NCOR2: variants seen among roughly 807,000 people sequenced by gnomAD.
The protein encoded by NCOR2 is CTG repeat protein 26.
Under a neutral mutation model 262.9 loss-of-function variants are expected in NCOR2, and 81 were observed. That is an observed-to-expected ratio of 0.31 (90% CI 0.26 to 0.37). The LOEUF (loss-of-function observed/expected upper bound fraction) is 0.37, where lower values mean the gene tolerates loss of function less well. Among genes scored for constraint, NCOR2 ranks in the 10% least tolerant of loss-of-function variants. NCOR2 has a pLI of 1.00. For synonymous variants in NCOR2, 1,659 were observed against 1,559.3 expected (o/e 1.06, Z -1.51); for missense variants, 3,385 against 3,621.4 (o/e 0.93, Z 1.68).
At chr12:124,359,789 C>T (rs375628664) in intron 22 of NCOR2, among the ~76,000 whole-genome samples, 3 of 152,232 alleles carry the variant, frequency 2.0e-5, no homozygotes, top group Non-Finnish European at 4.4e-5. Context: ...GCCCAGGGGG[C>T]CCCGAGGGAC....
rs543454231 is a variant in NCOR2, at chr12:124,426,559, C to G, written c.1328+63G>C. 19 of 1,456,446 alleles carry G rather than the reference C, an allele frequency of 1.3e-5. No individual in the cohort carries two copies. The Admixed American group carries it at 3.6e-4, about 28-fold the overall frequency. 90.2% of individuals were successfully genotyped at this position (1,456,446 alleles called of 1,614,324 possible). ...ATTTGTGGTGGCTGCCGGGAGACAG[C>G]GCAGGCCTCAACAGGATGGGGGTGG... On this transcript the variant is annotated intron_variant, in intron 11 of 46. Coordinates refer to ENST00000405201, the Ensembl canonical transcript of NCOR2.
At chr12:124,332,527 G>A (rs2035286981) in intron 42 of NCOR2, 60 bp from the exon 45 acceptor site, 4 of 1,609,020 alleles carry the variant, frequency 2.5e-6, no homozygotes, top group Non-Finnish European at 3.4e-6. Flanking sequence ...TGCCTTTGAT[G>A]ATGGGGAACT....
At chr12:124,362,343 A>T (rs369372439) in intron 21 of NCOR2, 46 bp from the exon 24 acceptor site, 8 of 1,319,502 alleles carry the variant, frequency 6.1e-6, no homozygotes, top group Non-Finnish European at 7.7e-6. Flanking sequence ...GGTGTCTGAA[A>T]GTGACAGGGT....
intron 12 of NCOR2, among the ~76,000 whole-genome samples, chr12:124,420,892 A>T (rs2043164542): frequency 6.6e-6 from 1 of 152,256 alleles, no homozygotes; most frequent in African/African-American, 2.4e-5. Flanking sequence ...CTCAACAGAA[A>T]GCCCCCAGCT....
At chr12:124,351,605 G>A (rs760376624) in intron 27 of NCOR2, among the ~76,000 whole-genome samples, 9 of 152,144 alleles carry the variant, frequency 5.9e-5, no homozygotes, top group Admixed American at 5.2e-4. Flanking sequence ...AGATGGCCAC[G>A]TGGGGCAGCA....
intron 1 of NCOR2, among the ~76,000 whole-genome samples, chr12:124,505,960 G>A (rs2049015619): frequency 2.0e-5 from 3 of 152,160 alleles, no homozygotes; most frequent in South Asian, 4.2e-4. Context: ...TAGGCCAGGT[G>A]CAAAACCCAC....
At chr12:124,352,634 G>A (rs2078306096) in intron 27 of NCOR2, among the ~76,000 whole-genome samples, 1 of 152,186 alleles carries the variant, frequency 6.6e-6, no homozygotes, top group Non-Finnish European at 1.5e-5. Flanking sequence ...CTCCCAAAAT[G>A]CTGGGTTGAC....
At position 124,482,725 on chromosome 12, in the gene NCOR2, C is replaced by G. The variant is rs1241702023; in HGVS notation, c.411+871G>C. Among the ~76,000 whole-genome samples, 4 of 152,116 alleles carry G rather than the reference C, an allele frequency of 2.6e-5. No individual in the cohort carries two copies. The highest frequency in any genetic ancestry group is 5.9e-5 in the Non-Finnish European group (4 of 67,996). ...ATAAGTGAGTGTGCCCAGGTGAGGC[C>G]TGGGCCCACCTGCAATGCCAGGCAG... On this transcript the variant is annotated intron_variant, in intron 3 of 46. Coordinates refer to ENST00000405201, the Ensembl canonical transcript of NCOR2. This position sits in a 1 kb window ranked among gnomAD's most constrained non-coding sequence, Gnocchi z 6.3.
exon 37 of NCOR2, chr12:124,340,190 T>TGCTGCC: frequency 1.2e-6 from 2 of 1,608,686 alleles, no homozygotes; most frequent in Non-Finnish European, 1.7e-6. Flanking sequence ...CTGCTGCCGC[T>TGCTGCC]GCTCTGCTCT....
At chr12:124,324,722 A>G (rs1481512174) in exon 47 of NCOR2, 1 of 152,548 alleles carries the variant, frequency 6.6e-6, no homozygotes, top group Non-Finnish European at 1.5e-5. Context: ...GGTATCAAAA[A>G]TATACCCTGT....
At position 124,469,891 on chromosome 12, in the gene NCOR2, G is replaced by A. The variant is rs145829099; in HGVS notation, c.591+3061C>T. On this transcript the variant is annotated intron_variant, in intron 4 of 46. Coordinates refer to ENST00000405201, the Ensembl canonical transcript of NCOR2. ...ATAAAAAAGGGTTGGTGTGGCTAGG[G>A]ACAGTGGCTCACACCTGAAATCCCA... Among the ~76,000 whole-genome samples the A allele has an allele frequency of 3.8e-3, 575 of 152,258 alleles. 2 individuals carry two copies. The highest frequency in any genetic ancestry group is 0.012 in the African/African-American group (510 of 41,560).
intron 31 of NCOR2, 113 bp from the exon 34 acceptor site, chr12:124,345,064 T>TTATA: frequency 1.0e-6 from 1 of 978,984 alleles, no homozygotes; most frequent in South Asian, 1.7e-5. Flanking sequence ...AAGTGACATC[T>TTATA]GATGCCTCCA....
chr12:124,548,956 C>T lies in NCOR2; in HGVS notation c.-164-13345G>A, dbSNP rs781280329. On this transcript the variant is annotated intron_variant, in intron 1 of 32. Coordinates refer to the NCOR2 transcript ENST00000458234. This position sits in a 1 kb window ranked among gnomAD's most constrained non-coding sequence, Gnocchi z 5.1. ...GCCAGCCACTCCTCCCTCTCGTTTC[C>T]CCGCTTCCCCTTACCCGACGGTTGG... 1.3e-5 allele frequency among the ~76,000 whole-genome samples: 2 copies of T among 152,184 alleles called. No homozygotes were observed.
At chr12:124,407,957 A>T (rs1486187533) in intron 13 of NCOR2, among the ~76,000 whole-genome samples, 1 of 152,206 alleles carries the variant, frequency 6.6e-6, no homozygotes, top group African/African-American at 2.4e-5. Context: ...CTCTTCCCTA[A>T]CACCTGCTCT....
intron 28 of NCOR2, 139 bp downstream of exon 30, chr12:124,350,448 C>T (rs1243154869): frequency 2.7e-6 from 3 of 1,107,558 alleles, no homozygotes; most frequent in Admixed American, 2.5e-5. Context: ...GGCTTGCATA[C>T]CTGCAGGGAT....
intron 13 of NCOR2, among the ~76,000 whole-genome samples, chr12:124,407,385 G>A (rs1004497290): frequency 2.6e-5 from 4 of 152,262 alleles, no homozygotes; most frequent in Non-Finnish European, 4.4e-5. Flanking sequence ...CTGCGGCATG[G>A]CAATGGGAAA....
intron 19 of NCOR2, 52 bp from the exon 22 acceptor site, chr12:124,372,662 A>G: frequency 6.7e-7 from 1 of 1,491,232 alleles, no homozygotes; most frequent in Non-Finnish European, 9.2e-7. Flanking sequence ...CGGGGCCTCC[A>G]GAAGAGATGC....
rs372163654 is a variant in NCOR2 at position 124,438,045 on chromosome 12, G to A, written c.816-49C>T. On this transcript the variant is annotated intron_variant, in intron 7 of 46. Transcript: ENST00000405201. ...CAGGTCAGCCCGGCCGGGCTCAGGC[G>A]CTGCACCCCGTGCCATCCTGTTTGC... 48 of 1,546,864 alleles carry A rather than the reference G, an allele frequency of 3.1e-5. No homozygotes were observed. The Admixed American group carries it at 4.1e-4, about 13-fold the overall frequency.
intron 1 of NCOR2, among the ~76,000 whole-genome samples, chr12:124,564,078 A>G (rs183503259): frequency 1.3e-5 from 2 of 152,274 alleles, no homozygotes; most frequent in African/African-American, 2.4e-5. Flanking sequence ...AGATTTGCGT[A>G]GAGCACGGTT....
Sources: gnomAD v4.1 joint callset for allele counts (sites outside exome capture counted in the v4.1 genomes callset) on GRCh38, gnomAD v4.1.1 for gene constraint, Gnocchi (gnomAD v3.1) non-coding constraint, MANE v1.5 for transcripts, NCBI Gene and HGNC (gene_info 2026-07-23, HGNC 2026-07-21) for gene names.